MACROD2: variants seen among roughly 807,000 people sequenced by gnomAD.
MACROD2 encodes the protein mono-ADP ribosylhydrolase 2, also known as ADP-ribose glycohydrolase MACROD2.
MACROD2 carries 36 observed loss-of-function variants against 70.4 expected under a neutral mutation model. The ratio of observed to expected loss-of-function variants is 0.51; its 90% CI spans 0.39 to 0.68. The LOEUF (loss-of-function observed/expected upper bound fraction) is 0.68, where lower values mean the gene tolerates loss of function less well. MACROD2 is among the 30% of genes least tolerant of loss of function. The pLI is 0.00. For synonymous variants in MACROD2, 172 were observed against 178.8 expected, an observed-to-expected ratio of 0.96 and a Z score of 0.30; for missense variants, 496 against 538.4, an observed-to-expected ratio of 0.92 and a Z score of 0.78.
intron 4 of MACROD2, among the ~76,000 whole-genome samples, chr20:14,519,196 T>G (rs1325737788): frequency 6.6e-6 from 1 of 152,138 alleles, no homozygotes; most frequent in African/African-American, 2.4e-5. Context: ...TTAAAAACTT[T>G]CTCTTCTGCT....
At chr20:15,403,384 G>T (rs907985452) in intron 6 of MACROD2, among the ~76,000 whole-genome samples, 2 of 150,988 alleles carry the variant, frequency 1.3e-5, no homozygotes, top group African/African-American at 2.4e-5. Flanking sequence ...GTGTAGGTCT[G>T]TGTGTGTTTG....
At chr20:15,983,291 C>G (rs1024768711) in intron 13 of MACROD2, among the ~76,000 whole-genome samples, 1 of 152,132 alleles carries the variant, frequency 6.6e-6, no homozygotes, top group Non-Finnish European at 1.5e-5. Flanking sequence ...TCTGGCTTTA[C>G]GATGTCTTAT....
intron 8 of MACROD2, among the ~76,000 whole-genome samples, chr20:15,806,088 AT>A: frequency 6.6e-6 from 1 of 152,256 alleles, no homozygotes; most frequent in Admixed American, 6.5e-5. Flanking sequence ...GAGTTTATGG[AT>A]TTTTCTTCAG....
At chr20:15,210,771 T>C (rs2076756836) in intron 5 of MACROD2, among the ~76,000 whole-genome samples, 1 of 152,068 alleles carries the variant, frequency 6.6e-6, no homozygotes, top group Non-Finnish European at 1.5e-5. Context: ...CCATACTCTC[T>C]CTCTTTTCTC....
chr20:14,655,386 G>C (rs1474872987), intron 4 of MACROD2, among the ~76,000 whole-genome samples: 3 of 151,352 alleles, frequency 2.0e-5, no homozygotes, highest in African/African-American at 7.3e-5. Flanking sequence ...GTGTGTTCCT[G>C]TCTGAGTTTT....
chr20:14,911,947 T>G (rs1448646984), intron 5 of MACROD2, among the ~76,000 whole-genome samples: 1 of 152,154 alleles, frequency 6.6e-6, no homozygotes, highest in East Asian at 1.9e-4. Context: ...GCATTCTGAC[T>G]CTAGAGCCCA....
chr20:15,253,566 C>T (rs911877712), intron 6 of MACROD2, among the ~76,000 whole-genome samples: 4 of 152,140 alleles, frequency 2.6e-5, no homozygotes, highest in Non-Finnish European at 5.9e-5. Context: ...TGAACACTAG[C>T]GTAATAAGTT....
At chr20:14,078,597 G>C (rs1601195297) in intron 2 of MACROD2, among the ~76,000 whole-genome samples, 1 of 152,088 alleles carries the variant, frequency 6.6e-6, no homozygotes, top group Middle Eastern at 3.4e-3. Flanking sequence ...AGTAGAGAAG[G>C]GGGTTTCACC....
chr20:15,322,888 T>C (rs1198169916), intron 6 of MACROD2, among the ~76,000 whole-genome samples: 2 of 144,102 alleles, frequency 1.4e-5, no homozygotes, highest in Non-Finnish European at 3.1e-5. Context: ...TTGGAATCCA[T>C]ATTTATAAGA....
At chr20:14,252,630 A>G (rs2082022303) in intron 3 of MACROD2, among the ~76,000 whole-genome samples, 1 of 152,050 alleles carries the variant, frequency 6.6e-6, no homozygotes, top group African/African-American at 2.4e-5. Context: ...AATCTGGCAC[A>G]CACCAAATGT....
At chr20:14,996,489 G>A (rs2074950664) in intron 5 of MACROD2, among the ~76,000 whole-genome samples, 1 of 152,114 alleles carries the variant, frequency 6.6e-6, no homozygotes, top group African/African-American at 2.4e-5. Context: ...ACCCTTGCAG[G>A]AACACAAAAC....
At chr20:14,137,100 C>G (rs983629689) in intron 3 of MACROD2, among the ~76,000 whole-genome samples, 14 of 151,850 alleles carry the variant, frequency 9.2e-5, no homozygotes, top group Non-Finnish European at 1.5e-4. Flanking sequence ...TTAAGCAATG[C>G]AAGAGTTAGG....
intron 3 of MACROD2, among the ~76,000 whole-genome samples, chr20:14,296,872 T>C (rs1327453984): frequency 6.6e-6 from 1 of 152,004 alleles, no homozygotes; most frequent in Non-Finnish European, 1.5e-5. Flanking sequence ...ACAGTTACTA[T>C]ACTTGTTGCA....
intron 5 of MACROD2, among the ~76,000 whole-genome samples, chr20:14,759,955 G>A (rs1241990962): frequency 6.6e-6 from 1 of 152,122 alleles, no homozygotes; most frequent in East Asian, 1.9e-4. Flanking sequence ...AGCAGCAAAA[G>A]ACAGAGTAAG....
intron 7 of MACROD2, among the ~76,000 whole-genome samples, chr20:15,440,185 A>C (rs562317023): frequency 3.5e-4 from 54 of 152,304 alleles, no homozygotes; most frequent in African/African-American, 1.3e-3. Context: ...GTACTTAAAA[A>C]TTTGGAAAAT....
rs1219830544 is a variant in MACROD2 at position 15,646,387 on chromosome 20, G to T, written c.645+146540G>T. Among the ~76,000 whole-genome samples the T allele has an allele frequency of 3.3e-5, 5 of 152,118 alleles. 1 individual carries two copies. Among genetic ancestry groups the T allele is most frequent in the Non-Finnish European group, 7.4e-5 (5 of 68,026 alleles). On this transcript the variant is annotated intron_variant, in intron 8 of 17. Transcript: ENST00000684519. ...TTTATTGATAGAGAATGGCTAAAAT[G>T]TATTAAGGTGGAAATTTGTGCTGAA...
intron 15 of MACROD2, among the ~76,000 whole-genome samples, chr20:15,993,404 A>G (rs1488087709): frequency 6.6e-6 from 1 of 152,124 alleles, no homozygotes; most frequent in Non-Finnish European, 1.5e-5. Flanking sequence ...TGACATACAA[A>G]TACTTACCAT....
Position 14,146,858 on chromosome 20 carries a change from A to C in MACROD2, c.271+61130A>C, listed in dbSNP as rs185494892. ...GCTAAGTAGAGAATGCTTATAGAGC[A>C]GTGCTTCTCAAACATTGCCATCTAT... On this transcript the variant is annotated intron_variant, in intron 3 of 17. Transcript: ENST00000684519. Among the ~76,000 whole-genome samples, 9 of 152,336 alleles carry C rather than the reference A, an allele frequency of 5.9e-5. No individual in the cohort carries two copies. The East Asian group carries it at 1.7e-3, about 29-fold the overall frequency.
In MACROD2 at chr20:15,119,358, C is replaced by T. The variant is rs141124816; in HGVS notation, c.419-110582C>T. On this transcript the variant is annotated intron_variant, in intron 5 of 17. Transcript: ENST00000684519. Reference sequence around the variant, plus strand: ...CTATTTACAAAAGCTCATCTTCCCTCGCCAATGAAACAAGTTATGGAGTGT... The same window carrying T: ...CTATTTACAAAAGCTCATCTTCCCTTGCCAATGAAACAAGTTATGGAGTGT... 4.4e-3 allele frequency among the ~76,000 whole-genome samples: 669 copies of T among 152,264 alleles called. 5 individuals are homozygous for T. The highest frequency in any genetic ancestry group is 0.015 in the African/African-American group (625 of 41,562).
Sources: allele counts gnomAD v4.1 joint callset (sites outside exome capture counted in the v4.1 genomes callset), GRCh38; gene constraint gnomAD v4.1.1; transcripts MANE v1.5; gene names NCBI Gene and HGNC (gene_info 2026-07-23, HGNC 2026-07-21).